NR6A1: variants seen among roughly 807,000 people sequenced by gnomAD.
The protein encoded by NR6A1 is retinoic acid receptor-related testis-associated receptor.
A neutral mutation model predicts 59.1 loss-of-function variants in NR6A1; 7 were observed. The ratio of observed to expected loss-of-function variants is 0.12; its 90% confidence interval spans 0.07 to 0.22. The LOEUF is 0.22. Ranked by LOEUF, NR6A1 falls within the 10% of genes least tolerant of loss-of-function variation. NR6A1 has a pLI of 1.00. For synonymous variants in NR6A1, 243 were observed against 236.1 expected (o/e 1.03, Z -0.27); for missense variants, 468 against 611.6 (o/e 0.77, Z 2.48).
intron 2 of NR6A1, among the ~76,000 whole-genome samples, chr9:124,597,717 C>T (rs148047417): frequency 6.6e-6 from 1 of 152,320 alleles, no homozygotes; most frequent in East Asian, 1.9e-4. Flanking sequence ...TATAGAGCCA[C>T]ATTTCTTCAG....
intron 2 of NR6A1, among the ~76,000 whole-genome samples, chr9:124,568,723 T>C (rs1374624718): frequency 6.6e-6 from 1 of 151,912 alleles, no homozygotes; most frequent in East Asian, 1.9e-4. Flanking sequence ...AACTGAGTTT[T>C]AACCTTATTA....
At chr9:124,629,266 G>A (rs566631652) in intron 2 of NR6A1, among the ~76,000 whole-genome samples, 5 of 152,306 alleles carry the variant, frequency 3.3e-5, no homozygotes, top group Admixed American at 1.3e-4. Context: ...AATTAAATTC[G>A]ATTTTAACTC....
intron 1 of NR6A1, among the ~76,000 whole-genome samples, chr9:124,744,606 A>C (rs1840271773): frequency 6.6e-6 from 1 of 152,220 alleles, no homozygotes; most frequent in Admixed American, 6.5e-5. Flanking sequence ...TAACAGCAGG[A>C]CCTCAACGTC....
At chr9:124,549,361 G>A (rs748547080) in intron 3 of NR6A1, among the ~76,000 whole-genome samples, 1 of 152,170 alleles carries the variant, frequency 6.6e-6, no homozygotes, top group Non-Finnish European at 1.5e-5. Flanking sequence ...AGAAGGAAAG[G>A]GATCAGGTGG....
At chr9:124,580,509 G>A (rs915264403) in intron 2 of NR6A1, among the ~76,000 whole-genome samples, 9 of 152,058 alleles carry the variant, frequency 5.9e-5, no homozygotes, top group Admixed American at 2.6e-4. Flanking sequence ...AATAGCCAAG[G>A]CAATCCTAAG....
chr9:124,760,992 T>A (rs548821295), intron 1 of NR6A1, among the ~76,000 whole-genome samples: 5 of 152,308 alleles, frequency 3.3e-5, no homozygotes, highest in African/African-American at 1.2e-4. Flanking sequence ...TAAAAAGGCA[T>A]CTTGGGGGAA....
chr9:124,595,913 T>G (rs967911690), intron 2 of NR6A1: 1 of 875,408 alleles, frequency 1.1e-6, no homozygotes, highest in Non-Finnish European at 1.6e-6. Context: ...CAGGTCAGTT[T>G]ACAAGCTGGT....
intron 2 of NR6A1, among the ~76,000 whole-genome samples, chr9:124,643,989 C>A (rs1168866925): frequency 1.3e-5 from 2 of 152,178 alleles, no homozygotes; most frequent in African/African-American, 4.8e-5. Context: ...CAACCTCCAC[C>A]TCCTGGGTTC....
chr9:124,634,366 A>G (rs1235371512), intron 2 of NR6A1, among the ~76,000 whole-genome samples: 1 of 152,222 alleles, frequency 6.6e-6, no homozygotes, highest in African/African-American at 2.4e-5. Flanking sequence ...CACAATTAAC[A>G]TGTGTGATCT....
intron 1 of NR6A1, among the ~76,000 whole-genome samples, chr9:124,752,420 A>G (rs192779069): frequency 1.9e-3 from 294 of 152,360 alleles, no homozygotes; most frequent in Non-Finnish European, 3.3e-3. Flanking sequence ...GGCTTCAATT[A>G]TGGTAAAGTT....
At chr9:124,656,833 C>CAAAAACA (rs1411136328) in intron 2 of NR6A1, among the ~76,000 whole-genome samples, 1 of 151,870 alleles carries the variant, frequency 6.6e-6, no homozygotes, top group Admixed American at 6.6e-5. Flanking sequence ...ATTCCGTCTC[C>CAAAAACA]AAAAACAAAA....
intron 1 of NR6A1, among the ~76,000 whole-genome samples, chr9:124,740,111 C>T (rs1840134147): frequency 6.6e-6 from 1 of 152,238 alleles, no homozygotes; most frequent in Non-Finnish European, 1.5e-5. Context: ...TCCATCCACA[C>T]TGAAGTACAT....
intron 7 of NR6A1, among the ~76,000 whole-genome samples, chr9:124,534,072 CTTTT>C (rs113862423): frequency 1.5e-5 from 2 of 135,706 alleles, no homozygotes; most frequent in African/African-American, 2.7e-5. Context: ...CATTATAAGA[CTTTT>C]TTTTTTTTTT....
At chr9:124,695,685 A>AT (rs1838732709) in intron 2 of NR6A1, among the ~76,000 whole-genome samples, 1 of 152,104 alleles carries the variant, frequency 6.6e-6, no homozygotes, top group Admixed American at 6.6e-5. Context: ...GGGTCTTTAT[A>AT]GAAGAGTTTT....
intron 2 of NR6A1, among the ~76,000 whole-genome samples, chr9:124,732,989 G>A (rs767529174): frequency 2.0e-5 from 3 of 152,140 alleles, no homozygotes; most frequent in Non-Finnish European, 2.9e-5. Flanking sequence ...CAGCCACCAC[G>A]CCTGGCTTCA....
At chr9:124,556,538 G>A (rs1833933758) in intron 2 of NR6A1, among the ~76,000 whole-genome samples, 1 of 149,988 alleles carries the variant, frequency 6.7e-6, no homozygotes, top group East Asian at 1.9e-4. Context: ...TCGGTTCACT[G>A]CAACCTCCGC....
intron 2 of NR6A1, among the ~76,000 whole-genome samples, chr9:124,713,985 G>C (rs1839350908): frequency 2.0e-5 from 3 of 152,184 alleles, no homozygotes; most frequent in African/African-American, 7.2e-5. Flanking sequence ...AATGGTGAAA[G>C]CAACCCAAGT....
chr9:124,667,807 G>A lies in NR6A1; in HGVS notation c.142+65501C>T, dbSNP rs534755509. Among the ~76,000 whole-genome samples the A allele has an allele frequency of 7.9e-5, 12 of 152,156 alleles. No individual in the cohort carries two copies. The South Asian group carries it at 1.0e-3, about 13-fold the overall frequency. On this transcript the variant is annotated intron_variant, in intron 2 of 9. Coordinates refer to ENST00000487099, the MANE Select transcript of NR6A1 (RefSeq NM_033334.4). ...AAATAACTTACTTTTTCATCTTATCGTAGCAGTATGCTTACTACAGATGAA... is the reference window on the plus strand; with the variant it reads ...AAATAACTTACTTTTTCATCTTATCATAGCAGTATGCTTACTACAGATGAA...
intron 3 of NR6A1, among the ~76,000 whole-genome samples, chr9:124,549,640 A>G (rs890936776): frequency 6.6e-6 from 1 of 152,232 alleles, no homozygotes; most frequent in Non-Finnish European, 1.5e-5. Flanking sequence ...TCTTGCACAT[A>G]GGTGAAAAAG....
Sources: gnomAD v4.1 joint callset for allele counts (sites outside exome capture counted in the v4.1 genomes callset) on GRCh38, gnomAD v4.1.1 for gene constraint, MANE v1.5 for transcripts, NCBI Gene and HGNC (gene_info 2026-07-23, HGNC 2026-07-21) for gene names.